Variants in CDC27 observed in about 807,000 individuals in gnomAD.
CDC27 encodes cell division cycle 27, also known as cell division cycle protein 27 homolog.
In CDC27, 27 loss-of-function variants were observed where a neutral mutation model predicts 109.7. The ratio of observed to expected loss-of-function variants is 0.25; its 90% CI spans 0.18 to 0.34. CDC27 has a LOEUF of 0.34. Ranked by LOEUF, CDC27 falls within the 10% of genes least tolerant of loss-of-function variation. The pLI is 1.00. For synonymous variants in CDC27, 266 were observed against 333.9 expected, an observed-to-expected ratio of 0.80 and a Z score of 2.22; for missense variants, 579 against 960.2, an observed-to-expected ratio of 0.60 and a Z score of 5.25.
Position 47,162,872 on chromosome 17 carries a change from A to T in CDC27, c.378-4569T>A, listed in dbSNP as rs947295097. Reference sequence around the variant, plus strand: ...AAATTCATGTCTGTTAAGAGATTAGATACACATATGGATAGATATATGTAT... The same window carrying T: ...AAATTCATGTCTGTTAAGAGATTAGTTACACATATGGATAGATATATGTAT... On this transcript the variant is annotated intron_variant, in intron 4 of 18. Coordinates refer to ENST00000066544, the MANE Select transcript of CDC27 (RefSeq NM_001256.6). Among the ~76,000 whole-genome samples, 7 of 152,352 alleles carry T rather than the reference A, an allele frequency of 4.6e-5. No homozygotes were observed. In the East Asian group the frequency reaches 1.3e-3, roughly 29 times the overall value.
chr17:47,184,771 G>A (rs1435539319), intron 1 of CDC27, among the ~76,000 whole-genome samples: 2 of 152,098 alleles, frequency 1.3e-5, no homozygotes, highest in East Asian at 1.9e-4. Flanking sequence ...GGGATTGGGG[G>A]GAAGAACAGA....
At chr17:47,151,124 T>C (rs1427537723) in intron 9 of CDC27, among the ~76,000 whole-genome samples, 1 of 152,226 alleles carries the variant, frequency 6.6e-6, no homozygotes, top group Non-Finnish European at 1.5e-5. Context: ...TTACATATAA[T>C]GTTGCTTTGC....
chr17:47,126,774 T>C (rs2062154040), intron 16 of CDC27, among the ~76,000 whole-genome samples: 1 of 152,130 alleles, frequency 6.6e-6, no homozygotes, highest in Admixed American at 6.6e-5. Context: ...ACGGGCTTAT[T>C]AGATTTAAAA....
intron 8 of CDC27, among the ~76,000 whole-genome samples, chr17:47,152,195 C>A (rs1024061815): frequency 6.6e-6 from 1 of 152,076 alleles, no homozygotes; most frequent in Non-Finnish European, 1.5e-5. Flanking sequence ...AGAAGCTATT[C>A]TTTTCATCTC....
intron 14 of CDC27, among the ~76,000 whole-genome samples, chr17:47,135,250 G>C (rs1016219837): frequency 6.6e-6 from 1 of 152,050 alleles, no homozygotes; most frequent in Non-Finnish European, 1.5e-5. Context: ...GTTATCAAAA[G>C]CATGCTCCTA....
In CDC27 at chr17:47,121,099, G is replaced by A. The variant is rs1434817451; in HGVS notation, c.2393-82C>T. ...TTCATGAAAACAAGTAAGAAAAATTGTATTATATTCAGAGAGATAAAACCC... is the reference window on the plus strand; with the variant it reads ...TTCATGAAAACAAGTAAGAAAAATTATATTATATTCAGAGAGATAAAACCC... On this transcript the variant is annotated intron_variant, in intron 18 of 18. Coordinates refer to ENST00000066544, the MANE Select transcript of CDC27 (RefSeq NM_001256.6). 4 of 879,586 alleles carry A rather than the reference G, an allele frequency of 4.5e-6. No homozygotes were observed. In the African/African-American group the frequency reaches 5.0e-5, roughly 11 times the overall value. The allele number at this position is 879,586 out of a possible 1,614,324, so 54.5% of individuals were successfully genotyped here. A position where few individuals can be genotyped will look rare whatever the true frequency, so the allele number is the denominator to read the frequency against.
intron 10 of CDC27, among the ~76,000 whole-genome samples, chr17:47,142,820 A>G (rs2062836968): frequency 1.3e-5 from 2 of 152,204 alleles, no homozygotes; most frequent in South Asian, 4.1e-4. Context: ...CTGAGATTAC[A>G]GGCATGAGCC....
At chr17:47,172,752 T>C (rs1407638867) in intron 2 of CDC27, among the ~76,000 whole-genome samples, 1 of 152,206 alleles carries the variant, frequency 6.6e-6, no homozygotes, top group East Asian at 1.9e-4. Flanking sequence ...TTTTTCACCC[T>C]TATTTAGTCT....
intron 8 of CDC27, among the ~76,000 whole-genome samples, chr17:47,154,088 C>CAAA (rs536543231): frequency 8.1e-4 from 57 of 70,648 alleles, no homozygotes; most frequent in Non-Finnish European, 1.3e-3. Context: ...GACCCTGTCT[C>CAAA]AAAAAAAAAA....
At chr17:47,126,966 G>GT (rs2062159318) in intron 16 of CDC27, among the ~76,000 whole-genome samples, 1 of 152,026 alleles carries the variant, frequency 6.6e-6, no homozygotes, top group Non-Finnish European at 1.5e-5. Context: ...GCTAATTTTT[G>GT]TATTTTCAGT....
intron 12 of CDC27, 119 bp from the exon 13 acceptor site, chr17:47,139,010 T>A: frequency 1.6e-6 from 1 of 633,692 alleles, no homozygotes; most frequent in South Asian, 2.4e-5. Flanking sequence ...ATGGTTTTTA[T>A]GTGAATGAGT....
At chr17:47,148,126 A>G (rs1209415090) in intron 9 of CDC27, among the ~76,000 whole-genome samples, 1 of 146,534 alleles carries the variant, frequency 6.8e-6, no homozygotes, top group East Asian at 2.1e-4. Context: ...TGAACCCAGG[A>G]GGGGCGGAGG....
intron 17 of CDC27, 84 bp downstream of exon 17, chr17:47,123,802 T>C: frequency 1.1e-6 from 1 of 947,484 alleles, no homozygotes. Flanking sequence ...AATAGATATG[T>C]ACAGGAAGTA....
intron 1 of CDC27, among the ~76,000 whole-genome samples, chr17:47,186,941 T>C (rs1251142370): frequency 1.3e-5 from 2 of 152,142 alleles, no homozygotes; most frequent in African/African-American, 4.8e-5. Context: ...ATCTTATATA[T>C]CTGTCCTATT....
intron 9 of CDC27, among the ~76,000 whole-genome samples, chr17:47,146,069 T>C (rs1242145711): frequency 6.6e-6 from 1 of 152,154 alleles, no homozygotes; most frequent in East Asian, 1.9e-4. Flanking sequence ...AAAACTTGGC[T>C]CAAATTCCTG....
At chr17:47,134,577 G>C (rs1270687960) in intron 14 of CDC27, among the ~76,000 whole-genome samples, 1 of 151,816 alleles carries the variant, frequency 6.6e-6, no homozygotes. Context: ...CCAGGTTCAA[G>C]TGGTTTTCCT....
chr17:47,148,504 T>C (rs1288387931), intron 9 of CDC27, among the ~76,000 whole-genome samples: 4 of 152,022 alleles, frequency 2.6e-5, no homozygotes, highest in Admixed American at 6.6e-5. Flanking sequence ...GGACATAATA[T>C]TTGAAGAAAT....
chr17:47,178,605 G>C (rs1424384685), intron 2 of CDC27, among the ~76,000 whole-genome samples: 2 of 151,032 alleles, frequency 1.3e-5, no homozygotes, highest in African/African-American at 2.4e-5. Flanking sequence ...TGTTAGGGGA[G>C]AGGGAACCTG....
At position 47,157,112 on chromosome 17, in the gene CDC27, A is replaced by C. The variant is rs749912253; in HGVS notation, c.643T>G (p.Leu215Val). 1 of 1,573,332 alleles carries C rather than the reference A, an allele frequency of 6.4e-7. No individual in the cohort carries two copies. Among genetic ancestry groups the C allele is most frequent in the African/African-American group, 1.4e-5 (1 of 73,412 alleles). ...TPQDTIELNR[L>V]NLESSNSKYS... is the part of the protein sequence containing the mutation. ...TTTGAATTGGAAGATTCTAAATTCAATCTGTTTAATTCCTGAAACAGAAAA... is the reference window on the plus strand; with the variant it reads ...TTTGAATTGGAAGATTCTAAATTCACTCTGTTTAATTCCTGAAACAGAAAA... Residue 215 changes from leucine to valine, a missense_variant, in exon 7 of 19, where the codon TTG (leucine) becomes GTG (valine). By Grantham distance (32) the Leu-to-Val change is conservative. This residue lies in a region of CDC27 where 57 missense variants were observed against 59.0 expected (regional missense o/e 0.97). Coordinates refer to ENST00000066544, the MANE Select transcript of CDC27 (RefSeq NM_001256.6).
Sources: gnomAD v4.1 joint callset for allele counts (sites outside exome capture counted in the v4.1 genomes callset) on GRCh38, gnomAD v4.1.1 for gene constraint, gnomAD v4.1.1 regional missense constraint, MANE v1.5 for transcripts, NCBI Gene and HGNC (gene_info 2026-07-23, HGNC 2026-07-21) for gene names.